The following NPFFR2 variants were observed in gnomAD, a reference collection of about 807,000 sequenced individuals.
NPFFR2 encodes neuropeptide FF receptor 2.
A neutral mutation model predicts 13.1 loss-of-function variants in NPFFR2; 15 were observed. That is an observed-to-expected ratio of 1.15 (90% CI 0.77 to 1.76). The LOEUF is 1.76. NPFFR2 is among the 40% of genes most tolerant of loss of function. NPFFR2 has a pLI of 0.00. For missense variants in NPFFR2, 572 were observed against 503.5 expected (o/e 1.14, Z -1.30); for synonymous variants, 190 against 175.7 (o/e 1.08, Z -0.65).
chr4:72,112,291 C>T (rs113206850), intron 1 of NPFFR2, among the ~76,000 whole-genome samples: 2 of 152,040 alleles, frequency 1.3e-5, no homozygotes, highest in Non-Finnish European at 2.9e-5. Flanking sequence ...AATGTGGATA[C>T]TGTTGTTCTA....
At chr4:72,076,068 C>T (rs10938002) in intron 1 of NPFFR2, among the ~76,000 whole-genome samples, 135,074 of 150,968 alleles carry the variant, frequency 0.89, 61,464 homozygotes, top group Non-Finnish European at 0.98. Flanking sequence ...ACTTTCTATA[C>T]TTGGGAAATA....
intron 1 of NPFFR2, among the ~76,000 whole-genome samples, chr4:72,077,313 GA>G (rs1271006578): frequency 1.3e-5 from 2 of 152,054 alleles, no homozygotes; most frequent in African/African-American, 4.8e-5. Flanking sequence ...AATATTTTAT[GA>G]AAGTACTAAA....
intron 1 of NPFFR2, among the ~76,000 whole-genome samples, chr4:72,120,159 T>C (rs1299014809): frequency 6.6e-6 from 1 of 152,132 alleles, no homozygotes; most frequent in African/African-American, 2.4e-5. Context: ...AAACAAAGCC[T>C]CCAGGAAGTT....
intron 1 of NPFFR2, among the ~76,000 whole-genome samples, chr4:72,121,871 A>G (rs887560052): frequency 6.6e-6 from 1 of 152,138 alleles, no homozygotes; most frequent in Non-Finnish European, 1.5e-5. Context: ...AGCTAGCATC[A>G]TAATGAGAGG....
intron 1 of NPFFR2, among the ~76,000 whole-genome samples, chr4:72,040,927 A>AATATAT (rs61548490): frequency 0.7 from 102,625 of 146,650 alleles, 37,795 homozygotes; most frequent in Non-Finnish European, 0.81. Context: ...ACTGCTGTAA[A>AATATAT]ATATATATAT....
intron 1 of NPFFR2, among the ~76,000 whole-genome samples, chr4:72,077,531 A>G (rs1339146801): frequency 3.9e-5 from 6 of 152,144 alleles, no homozygotes; most frequent in African/African-American, 1.2e-4. Context: ...CCACGATTTC[A>G]GTCTGGCAGA....
intron 1 of NPFFR2, among the ~76,000 whole-genome samples, chr4:72,123,140 T>C (rs1009702676): frequency 7.9e-5 from 12 of 152,144 alleles, no homozygotes; most frequent in African/African-American, 2.7e-4. Context: ...TAAACACCTC[T>C]GTGCAAATAA....
intron 1 of NPFFR2, among the ~76,000 whole-genome samples, chr4:72,043,157 G>C (rs1213401143): frequency 6.6e-6 from 1 of 152,214 alleles, no homozygotes; most frequent in Admixed American, 6.5e-5. Context: ...TGGTCCTGCA[G>C]GTGCACAGAA....
At chr4:72,130,019 T>C (rs906253092) in intron 2 of NPFFR2, among the ~76,000 whole-genome samples, 4 of 143,350 alleles carry the variant, frequency 2.8e-5, no homozygotes, top group African/African-American at 1.1e-4. Flanking sequence ...CATTCAACTC[T>C]GAGTTGACAC....
intron 1 of NPFFR2, among the ~76,000 whole-genome samples, chr4:72,038,905 C>CATTTTTTTT (rs1719115633): frequency 2.4e-5 from 2 of 84,738 alleles, no homozygotes; most frequent in African/African-American, 9.4e-5. Context: ...AATTTCCTTT[C>CATTTTTTTT]TTTTTTTTTT....
chr4:72,067,187 C>T (rs1055816987), intron 1 of NPFFR2, among the ~76,000 whole-genome samples: 1 of 152,198 alleles, frequency 6.6e-6, no homozygotes, highest in Non-Finnish European at 1.5e-5. Flanking sequence ...CTGTTTATAG[C>T]ATTGTGGCTT....
chr4:72,050,501 C>T (rs898826733), intron 1 of NPFFR2, among the ~76,000 whole-genome samples: 31 of 152,068 alleles, frequency 2.0e-4, no homozygotes, highest in African/African-American at 7.0e-4. Context: ...AAAACAGACT[C>T]TTTGCAGCAA....
At chr4:72,061,893 A>G (rs1719931577) in intron 1 of NPFFR2, among the ~76,000 whole-genome samples, 1 of 152,176 alleles carries the variant, frequency 6.6e-6, no homozygotes, top group African/African-American at 2.4e-5. Flanking sequence ...TGACACATGT[A>G]TACCTATGTA....
At chr4:72,051,793 T>A (rs1719592067) in intron 1 of NPFFR2, among the ~76,000 whole-genome samples, 2 of 151,488 alleles carry the variant, frequency 1.3e-5, no homozygotes, top group African/African-American at 2.4e-5. Flanking sequence ...ATAGATGCAA[T>A]AAAAAATGAT....
rs1169016258 is a variant in NPFFR2 at position 72,068,257 on chromosome 4, T to A, written c.-8+36057T>A. ...ACTCCAAGATCAAGATGTGGGCAGGTTAGTTGTCTGGTGAGGGCTGTTCTC... is the reference window on the plus strand; with the variant it reads ...ACTCCAAGATCAAGATGTGGGCAGGATAGTTGTCTGGTGAGGGCTGTTCTC... On this transcript the variant is annotated intron_variant, in intron 1 of 3. Coordinates refer to ENST00000308744, the MANE Select transcript of NPFFR2 (RefSeq NM_004885.3). 2.6e-5 allele frequency among the ~76,000 whole-genome samples: 4 copies of A among 152,092 alleles called. No homozygotes were observed. In the South Asian group the frequency reaches 6.2e-4, roughly 24 times the overall value.
Position 72,126,134 on chromosome 4 carries a change from G to C in NPFFR2, c.-7-2451G>C, listed in dbSNP as rs147571977. 2.0e-5 allele frequency among the ~76,000 whole-genome samples: 3 copies of C among 152,294 alleles called. No individual in the cohort carries two copies. In the East Asian group the frequency reaches 5.8e-4, roughly 29 times the overall value. ...GAATTCTCATGCATTACATCAAGGA[G>C]CATATGATATACTTGCATCTCATTA... On this transcript the variant is annotated intron_variant, in intron 1 of 3. Coordinates refer to ENST00000308744, the MANE Select transcript of NPFFR2 (RefSeq NM_004885.3).
intron 1 of NPFFR2, among the ~76,000 whole-genome samples, chr4:72,082,151 G>A (rs986981641): frequency 6.6e-6 from 1 of 152,136 alleles, no homozygotes; most frequent in Non-Finnish European, 1.5e-5. Flanking sequence ...GAAAGTAACT[G>A]TATTCCCATC....
chr4:72,032,076 C>A lies in NPFFR2; in HGVS notation c.-132C>A, dbSNP rs112931663. On this transcript the variant is annotated 5_prime_UTR_variant, in exon 1 of 4. Coordinates refer to ENST00000308744, the MANE Select transcript of NPFFR2 (RefSeq NM_004885.3). ...GAGCAGGCAGTCCGCGGGGGACAGA[C>A]GTCGGCTGGGATTGAGCCGGCAGAC... 1.2e-6 allele frequency: 2 copies of A among 1,613,930 alleles called. No individual in the cohort carries two copies. Among genetic ancestry groups the A allele is most frequent in the East Asian group, 2.2e-5 (1 of 44,880 alleles).
At chr4:72,105,976 G>A (rs532932576) in intron 1 of NPFFR2, among the ~76,000 whole-genome samples, 2 of 152,084 alleles carry the variant, frequency 1.3e-5, no homozygotes, top group African/African-American at 4.8e-5. Context: ...AAATTGTAAA[G>A]AGGAGTCATT....
Sources: gnomAD v4.1 joint callset for allele counts (sites outside exome capture counted in the v4.1 genomes callset) on GRCh38, gnomAD v4.1.1 for gene constraint, MANE v1.5 for transcripts, NCBI Gene and HGNC (gene_info 2026-07-23, HGNC 2026-07-21) for gene names.